The following PTPRE variants were observed in gnomAD, a reference collection of about 807,000 sequenced individuals.
The protein encoded by PTPRE is receptor-type tyrosine-protein phosphatase epsilon.
A neutral mutation model predicts 102.0 loss-of-function variants in PTPRE; 51 were observed. The observed-to-expected ratio is 0.50, with a 90% confidence interval of 0.40 to 0.63. The LOEUF (loss-of-function observed/expected upper bound fraction) is 0.63, where lower values mean the gene tolerates loss of function less well. Among genes scored for constraint, PTPRE ranks in the 30% least tolerant of loss-of-function variants. The pLI is 0.00. For missense variants in PTPRE, 752 were observed against 915.1 expected (o/e 0.82, Z 2.30); for synonymous variants, 345 against 348.2 (o/e 0.99, Z 0.10).
chr10:128,082,751 C>G (rs1455051084), intron 20 of PTPRE, 81 bp from the exon 21 acceptor site: 42 of 1,445,386 alleles, frequency 2.9e-5, no homozygotes, highest in Non-Finnish European at 3.8e-5. Context: ...TTATTTATGT[C>G]TTGTTTTTGA....
At chr10:128,064,879 C>T (rs768746136) in intron 10 of PTPRE, among the ~76,000 whole-genome samples, 74 of 152,316 alleles carry the variant, frequency 4.9e-4, no homozygotes, top group Non-Finnish European at 9.4e-4. Context: ...GCTGCCCTGG[C>T]ATCTCATGAT....
intron 1 of PTPRE, among the ~76,000 whole-genome samples, chr10:127,949,353 A>G (rs115499826): frequency 0.016 from 2,364 of 152,222 alleles, 51 homozygotes; most frequent in African/African-American, 0.053. Flanking sequence ...TGGTACCAGG[A>G]GTGGTTCTAG....
rs187241894 is a variant in PTPRE at position 128,002,061 on chromosome 10, G to T, written c.-8+19765G>T. Among the ~76,000 whole-genome samples, 560 of 152,274 alleles carry T rather than the reference G, an allele frequency of 3.7e-3. 2 individuals carry two copies. The highest frequency in any genetic ancestry group is 4.0e-3 in the Non-Finnish European group (275 of 68,016). The stretch of plus-strand genomic sequence containing the variant: ...TTGGTAGAGCACAGCCACTGCCTCG[G>T]GAGCACAGATCCAGGCCGTGCCGAG... On this transcript the variant is annotated intron_variant, in intron 2 of 20. Coordinates refer to ENST00000254667, the MANE Select transcript of PTPRE (RefSeq NM_006504.6).
At chr10:127,933,097 C>T (rs772981691) in intron 1 of PTPRE, among the ~76,000 whole-genome samples, 2 of 152,192 alleles carry the variant, frequency 1.3e-5, no homozygotes, top group Non-Finnish European at 1.5e-5. Context: ...AGGGTGCACC[C>T]GGATGATCCA....
intron 18 of PTPRE, 47 bp from the exon 19 acceptor site, chr10:128,077,570 G>C (rs1564974786): frequency 4.5e-6 from 7 of 1,566,194 alleles, no homozygotes; most frequent in Non-Finnish European, 6.1e-6. Flanking sequence ...GCTGGGGCCT[G>C]TTCCCCGGCA....
At chr10:128,072,339 G>A (rs1850843068) in intron 16 of PTPRE, 125 bp downstream of exon 16, 8 of 898,628 alleles carry the variant, frequency 8.9e-6, no homozygotes, top group Non-Finnish European at 1.2e-5. Flanking sequence ...AGCCATTTTT[G>A]TTAGCAGAAT....
At chr10:127,991,276 G>T (rs939467920) in intron 2 of PTPRE, among the ~76,000 whole-genome samples, 1 of 151,998 alleles carries the variant, frequency 6.6e-6, no homozygotes, top group African/African-American at 2.4e-5. Flanking sequence ...AGCCAACACC[G>T]ACATTCTGTT....
At chr10:127,998,216 A>G (rs868099835) in intron 2 of PTPRE, 2 of 152,256 alleles carry the variant, frequency 1.3e-5, no homozygotes, top group Non-Finnish European at 1.5e-5. Context: ...TCAACAGAAA[A>G]TGAACGAGAC....
intron 2 of PTPRE, among the ~76,000 whole-genome samples, chr10:127,990,390 T>G (rs12775609): frequency 0.012 from 1,420 of 120,838 alleles, 11 homozygotes; most frequent in Middle Eastern, 0.032. Flanking sequence ...CCAGCCTGGG[T>G]GACAGAGCAT....
At chr10:127,965,052 T>C (rs1850139153) in intron 1 of PTPRE, 1 of 456,380 alleles carries the variant, frequency 2.2e-6, no homozygotes, top group Middle Eastern at 3.3e-4. Flanking sequence ...TCAGAACCCT[T>C]TGAAGATCTT....
At chr10:127,910,629 T>G (rs1004394861) in intron 1 of PTPRE, among the ~76,000 whole-genome samples, 84 of 152,182 alleles carry the variant, frequency 5.5e-4, no homozygotes, top group Non-Finnish European at 8.4e-4. Flanking sequence ...CAGGCTTCAG[T>G]GTTCTCTAGA....
At chr10:128,071,100 A>ATGCAG in intron 15 of PTPRE, 199 bp downstream of exon 15, 1 of 605,528 alleles carries the variant, frequency 1.7e-6, no homozygotes, top group Non-Finnish European at 2.9e-6. Context: ...CAGCTGACCC[A>ATGCAG]GACAGTCCTG....
chr10:127,952,177 T>C (rs1849077174), intron 1 of PTPRE, among the ~76,000 whole-genome samples: 1 of 152,234 alleles, frequency 6.6e-6, no homozygotes, highest in Non-Finnish European at 1.5e-5. Flanking sequence ...GATATCACAC[T>C]GGTCCACTAT....
intron 2 of PTPRE, among the ~76,000 whole-genome samples, chr10:128,037,243 C>A (rs1847294380): frequency 6.6e-6 from 1 of 152,216 alleles, no homozygotes; most frequent in Non-Finnish European, 1.5e-5. Flanking sequence ...CTCTCACATG[C>A]CAGAGAACTG....
At chr10:128,022,067 G>A (rs965694168) in intron 2 of PTPRE, among the ~76,000 whole-genome samples, 1 of 152,218 alleles carries the variant, frequency 6.6e-6, no homozygotes, top group Admixed American at 6.5e-5. Context: ...TTTGAAGGAC[G>A]TGACAAATTG....
chr10:128,071,035 A>G (rs1192489290), intron 15 of PTPRE, 134 bp downstream of exon 15: 4 of 819,398 alleles, frequency 4.9e-6, no homozygotes, highest in South Asian at 3.4e-5. Context: ...GCCTCAGGCT[A>G]AGGGCTCCTG....
Position 128,072,171 on chromosome 10 carries a change from G to A in PTPRE, c.1421G>A (p.Arg474Lys). 1 of 1,614,036 alleles carries A rather than the reference G, an allele frequency of 6.2e-7. No homozygotes were observed. Among genetic ancestry groups the A allele is most frequent in the Admixed American group, 1.7e-5 (1 of 60,000 alleles). The stretch of plus-strand genomic sequence containing the variant: ...AACCGAGTGATCCTTTCCATGAAAA[G>A]GGGTCAAGAATACACAGACTACATC... ...DFNRVILSMK[R>K]GQEYTDYINA... is the part of the protein sequence containing the mutation. Residue 474 changes from arginine (R) to lysine (K), a missense_variant, in exon 16 of 21, where the codon AGG becomes AAG. Transcript: ENST00000254667.
At chr10:128,078,729 T>A (rs1193800064) in intron 19 of PTPRE, among the ~76,000 whole-genome samples, 1 of 152,176 alleles carries the variant, frequency 6.6e-6, no homozygotes, top group Non-Finnish European at 1.5e-5. Flanking sequence ...TTCCAAGAAA[T>A]CATTTAGGAT....
At chr10:128,038,790 A>G (rs748983788) in intron 2 of PTPRE, among the ~76,000 whole-genome samples, 3 of 152,202 alleles carry the variant, frequency 2.0e-5, no homozygotes, top group Non-Finnish European at 4.4e-5. Context: ...CATGTACCCT[A>G]GAACTTAAAG....
Sources: gnomAD v4.1 joint callset for allele counts (sites outside exome capture counted in the v4.1 genomes callset) on GRCh38, gnomAD v4.1.1 for gene constraint, MANE v1.5 for transcripts, NCBI Gene and HGNC (gene_info 2026-07-23, HGNC 2026-07-21) for gene names.